Variants in LSAMP observed in about 807,000 individuals in gnomAD.
The protein encoded by LSAMP is limbic system-associated membrane protein.
LSAMP carries 7 observed loss-of-function variants against 38.6 expected under a neutral mutation model. That is an observed-to-expected ratio of 0.18 (90% CI 0.10 to 0.34). LSAMP has a LOEUF of 0.34. Among genes scored for constraint, LSAMP ranks in the 10% least tolerant of loss-of-function variants. LSAMP has a pLI of 1.00. For missense variants in LSAMP, 313 were observed against 420.0 expected, an observed-to-expected ratio of 0.75 and a Z score of 2.23; for synonymous variants, 154 against 166.8, an observed-to-expected ratio of 0.92 and a Z score of 0.59.
intron 1 of LSAMP, among the ~76,000 whole-genome samples, chr3:116,311,473 C>G (rs758210554): frequency 1.3e-4 from 20 of 152,118 alleles, no homozygotes; most frequent in Admixed American, 2.6e-4. Flanking sequence ...TTATACAGAA[C>G]TGGAGTTATT....
chr3:115,854,250 A>T (rs965221514), intron 3 of LSAMP, among the ~76,000 whole-genome samples: 2 of 124,294 alleles, frequency 1.6e-5, no homozygotes, highest in Non-Finnish European at 1.6e-5. Context: ...ATATAGTTAA[A>T]TATTATTATT....
intron 2 of LSAMP, among the ~76,000 whole-genome samples, chr3:116,073,000 G>C (rs1048559887): frequency 6.6e-6 from 1 of 152,032 alleles, no homozygotes; most frequent in Non-Finnish European, 1.5e-5. Context: ...TCCTGAAATG[G>C]TATTGCCTTG....
intron 3 of LSAMP, among the ~76,000 whole-genome samples, chr3:115,977,378 G>T (rs1939219999): frequency 6.6e-6 from 1 of 152,140 alleles, no homozygotes; most frequent in Admixed American, 6.5e-5. Flanking sequence ...AGTAGAAATT[G>T]ATCCACATGA....
At chr3:116,245,545 T>G (rs916247826) in intron 1 of LSAMP, among the ~76,000 whole-genome samples, 2 of 152,216 alleles carry the variant, frequency 1.3e-5, no homozygotes, top group African/African-American at 4.8e-5. Context: ...ACATCCTATA[T>G]GCAAACTATA....
rs1037635293 is a variant in LSAMP at position 116,192,679 on chromosome 3, A to G, written c.156-106123T>C. Among the ~76,000 whole-genome samples the G allele has an allele frequency of 2.6e-5, 4 of 152,226 alleles. No individual in the cohort carries two copies. The East Asian group carries it at 7.7e-4, about 29-fold the overall frequency. On this transcript the variant is annotated intron_variant, in intron 1 of 6. Coordinates refer to ENST00000490035, the MANE Select transcript of LSAMP (RefSeq NM_002338.5). ...TATTAGGTGATGAGTCAGCAAAGAT[A>G]GAAAAATGGTCAAGTTTCTGCCCTA...
At chr3:115,956,260 T>A (rs1206194480) in intron 3 of LSAMP, among the ~76,000 whole-genome samples, 1 of 150,818 alleles carries the variant, frequency 6.6e-6, no homozygotes, top group African/African-American at 2.4e-5. Flanking sequence ...AACCTGCATA[T>A]ACAGAGTTCT....
intron 1 of LSAMP, among the ~76,000 whole-genome samples, chr3:116,101,242 G>A (rs562451269): frequency 6.6e-6 from 1 of 152,308 alleles, no homozygotes; most frequent in Non-Finnish European, 1.5e-5. Context: ...GTTGAAAGCG[G>A]AGAAGTTGTG....
intron 1 of LSAMP, among the ~76,000 whole-genome samples, chr3:116,279,154 T>C (rs934970427): frequency 1.3e-5 from 2 of 152,132 alleles, no homozygotes; most frequent in African/African-American, 4.8e-5. Context: ...ATTCTATGTG[T>C]CCCTGGGAAA....
chr3:116,247,959 A>G (rs2107645110), intron 1 of LSAMP, among the ~76,000 whole-genome samples: 1 of 152,320 alleles, frequency 6.6e-6, no homozygotes, highest in Non-Finnish European at 1.5e-5. Context: ...TCCACACAGT[A>G]CAGCATTGAA....
chr3:116,171,173 G>A (rs1369753035), intron 1 of LSAMP, among the ~76,000 whole-genome samples: 4 of 152,096 alleles, frequency 2.6e-5, no homozygotes, highest in African/African-American at 9.7e-5. Context: ...TTGTTGTGAT[G>A]ATTACATGGG....
rs369961633 is a variant in LSAMP at position 116,344,610 on chromosome 3, G to A, written c.155+100267C>T. On this transcript the variant is annotated intron_variant, in intron 1 of 6. Coordinates refer to ENST00000490035, the MANE Select transcript of LSAMP (RefSeq NM_002338.5). ...ATCTGAAAGCACCTGGTGCCAACACGTAAAAATCACACCCCAAATGATCTC... is the reference window on the plus strand; with the variant it reads ...ATCTGAAAGCACCTGGTGCCAACACATAAAAATCACACCCCAAATGATCTC... Among the ~76,000 whole-genome samples, 7 of 152,136 alleles carry A rather than the reference G, an allele frequency of 4.6e-5. No homozygotes were observed. In the South Asian group the frequency reaches 6.2e-4, roughly 14 times the overall value.
At chr3:115,832,004 C>A (rs899467571) in intron 6 of LSAMP, among the ~76,000 whole-genome samples, 2 of 151,944 alleles carry the variant, frequency 1.3e-5, no homozygotes, top group East Asian at 1.9e-4. Context: ...ATGAAGGAAA[C>A]CCAAGGGAAA....
chr3:115,915,401 C>A (rs1256576171), intron 3 of LSAMP, among the ~76,000 whole-genome samples: 1 of 152,130 alleles, frequency 6.6e-6, no homozygotes, highest in East Asian at 1.9e-4. Context: ...CTGGAAAAGA[C>A]CTTTGATATC....
At chr3:115,965,407 C>A (rs924775196) in intron 3 of LSAMP, among the ~76,000 whole-genome samples, 1 of 151,604 alleles carries the variant, frequency 6.6e-6, no homozygotes, top group East Asian at 1.9e-4. Context: ...AAAAAAAAAT[C>A]AAAACTTTTA....
At chr3:115,977,376 T>C (rs1939219789) in intron 3 of LSAMP, among the ~76,000 whole-genome samples, 1 of 152,156 alleles carries the variant, frequency 6.6e-6, no homozygotes, top group Non-Finnish European at 1.5e-5. Context: ...AGAGTAGAAA[T>C]TGATCCACAT....
At chr3:116,441,823 G>T (rs955490882) in intron 1 of LSAMP, among the ~76,000 whole-genome samples, 1 of 152,188 alleles carries the variant, frequency 6.6e-6, no homozygotes, top group Non-Finnish European at 1.5e-5. Context: ...GATTCTGGTT[G>T]TTCTATTTAG....
At chr3:116,390,066 A>T (rs904497504) in intron 1 of LSAMP, among the ~76,000 whole-genome samples, 2 of 152,096 alleles carry the variant, frequency 1.3e-5, no homozygotes, top group African/African-American at 4.8e-5. Flanking sequence ...TGATTACCTC[A>T]GAAGGACCTT....
intron 3 of LSAMP, among the ~76,000 whole-genome samples, chr3:115,971,941 C>T (rs1939032845): frequency 6.6e-6 from 1 of 152,058 alleles, no homozygotes; most frequent in Admixed American, 6.5e-5. Context: ...CTTGAGAAGG[C>T]ACATTTTCCA....
chr3:116,074,739 T>C (rs1707695505), intron 2 of LSAMP, among the ~76,000 whole-genome samples: 1 of 152,204 alleles, frequency 6.6e-6, no homozygotes, highest in Admixed American at 6.5e-5. Flanking sequence ...ATTTCCTTGA[T>C]TATTAGTGAG....
Sources: gnomAD v4.1 joint callset for allele counts (sites outside exome capture counted in the v4.1 genomes callset) on GRCh38, gnomAD v4.1.1 for gene constraint, MANE v1.5 for transcripts, NCBI Gene and HGNC (gene_info 2026-07-23, HGNC 2026-07-21) for gene names.